SUGCT: variants seen among roughly 807,000 people sequenced by gnomAD.
SUGCT encodes succinyl-CoA:glutarate CoA-transferase.
A neutral mutation model predicts 55.0 loss-of-function variants in SUGCT; 41 were observed. That is an observed-to-expected ratio of 0.74 (90% CI 0.58 to 0.97). SUGCT has a LOEUF of 0.97. Among genes scored for constraint, SUGCT ranks in the 50% least tolerant of loss-of-function variants. SUGCT has a pLI of 0.00. For missense variants in SUGCT, 568 were observed against 547.8 expected, an observed-to-expected ratio of 1.04 and a Z score of -0.37; for synonymous variants, 187 against 200.4, an observed-to-expected ratio of 0.93 and a Z score of 0.56.
At chr7:40,189,682 T>G in intron 5 of SUGCT, 88 bp downstream of exon 5, 1 of 590,998 alleles carries the variant, frequency 1.7e-6, no homozygotes, top group Non-Finnish European at 2.8e-6. Context: ...AAAACTCAAT[T>G]TTATGGGTGA....
the SUGCT span, among the ~76,000 whole-genome samples, chr7:41,022,655 A>G: frequency 6.6e-6 from 1 of 152,210 alleles, no homozygotes; most frequent in East Asian, 1.9e-4. Context: ...AAGATAAGAA[A>G]CACTCCATAG....
chr7:40,173,287 T>C (rs951563626), intron 1 of SUGCT, among the ~76,000 whole-genome samples: 10 of 152,196 alleles, frequency 6.6e-5, no homozygotes, highest in Non-Finnish European at 1.0e-4. Flanking sequence ...AGAGCAGCAA[T>C]GGGTGCCTCA....
chr7:40,966,447 G>A, the SUGCT span: 1 of 152,228 alleles, frequency 6.6e-6, no homozygotes, highest in Admixed American at 6.5e-5. Context: ...CTCTCTTAAG[G>A]AGACTCTCTT....
chr7:40,173,354 C>G (rs896536064), intron 1 of SUGCT, among the ~76,000 whole-genome samples: 1 of 152,188 alleles, frequency 6.6e-6, no homozygotes, highest in African/African-American at 2.4e-5. Flanking sequence ...AAGTCAGCGG[C>G]GGGTCTGCGA....
At chr7:40,894,626 A>C in the SUGCT span, among the ~76,000 whole-genome samples, 29 of 152,360 alleles carry the variant, frequency 1.9e-4, no homozygotes, top group Admixed American at 2.6e-4. Flanking sequence ...AGCAAAAAAC[A>C]ACCTCATTAA....
chr7:40,666,379 G>T (rs1252740297), intron 12 of SUGCT, among the ~76,000 whole-genome samples: 1 of 141,300 alleles, frequency 7.1e-6, no homozygotes, highest in South Asian at 2.5e-4. Context: ...AGGAAGGAAG[G>T]AAGGAAGGAA....
At chr7:40,391,359 G>C (rs1236451006) in intron 9 of SUGCT, among the ~76,000 whole-genome samples, 2 of 152,016 alleles carry the variant, frequency 1.3e-5, no homozygotes, top group African/African-American at 4.8e-5. Context: ...CTACAGAATG[G>C]GAGAAAATTT....
At chr7:40,774,114 A>G (rs1789330287) in intron 13 of SUGCT, among the ~76,000 whole-genome samples, 3 of 152,144 alleles carry the variant, frequency 2.0e-5, no homozygotes, top group Admixed American at 6.5e-5. Context: ...TCTTTCCCTA[A>G]TTTAAGATTC....
At chr7:40,857,425 C>T (rs1794238934) in intron 13 of SUGCT, among the ~76,000 whole-genome samples, 1 of 152,158 alleles carries the variant, frequency 6.6e-6, no homozygotes, top group Non-Finnish European at 1.5e-5. Context: ...TGTCTTCATC[C>T]TAGCAAGTGT....
intron 12 of SUGCT, among the ~76,000 whole-genome samples, chr7:40,521,455 C>T (rs1407555905): frequency 2.6e-5 from 4 of 151,950 alleles, no homozygotes; most frequent in South Asian, 2.1e-4. Flanking sequence ...TTAGTACTTC[C>T]GTGTTAAATA....
intron 1 of SUGCT, among the ~76,000 whole-genome samples, chr7:40,142,092 G>C (rs1444282887): frequency 6.6e-6 from 1 of 152,130 alleles, no homozygotes; most frequent in African/African-American, 2.4e-5. Flanking sequence ...GAATGAGCAG[G>C]TAATCGGAAT....
At chr7:40,903,777 T>G in the SUGCT span, among the ~76,000 whole-genome samples, 1 of 152,026 alleles carries the variant, frequency 6.6e-6, no homozygotes, top group African/African-American at 2.4e-5. Context: ...AAATGTTACC[T>G]TACATCCTCC....
chr7:40,583,468 T>G (rs973440280), intron 12 of SUGCT, among the ~76,000 whole-genome samples: 3 of 152,208 alleles, frequency 2.0e-5, no homozygotes, highest in African/African-American at 7.2e-5. Context: ...GTTGGTAGTT[T>G]AAATATGTCT....
chr7:40,456,548 C>A (rs1789499083), intron 10 of SUGCT, among the ~76,000 whole-genome samples: 1 of 151,638 alleles, frequency 6.6e-6, no homozygotes, highest in South Asian at 2.1e-4. Flanking sequence ...GAGTAATAAA[C>A]ATAATAAATA....
chr7:40,338,155 A>G (rs540655814), intron 9 of SUGCT, among the ~76,000 whole-genome samples: 7 of 152,256 alleles, frequency 4.6e-5, no homozygotes, highest in Non-Finnish European at 7.4e-5. Flanking sequence ...TGGGTAACCC[A>G]ACCTTTCTCT....
At chr7:40,809,241 G>A (rs985559913) in intron 13 of SUGCT, among the ~76,000 whole-genome samples, 12 of 152,120 alleles carry the variant, frequency 7.9e-5, no homozygotes, top group African/African-American at 2.9e-4. Context: ...CCTGAATATT[G>A]TAAGTGCTAA....
At chr7:40,706,916 A>T (rs1200314506) in intron 12 of SUGCT, among the ~76,000 whole-genome samples, 1 of 152,188 alleles carries the variant, frequency 6.6e-6, no homozygotes, top group East Asian at 1.9e-4. Flanking sequence ...TTTGCTCAGG[A>T]TGAGCAGTCC....
At chr7:40,235,414 A>G (rs984615099) in intron 6 of SUGCT, among the ~76,000 whole-genome samples, 2 of 152,052 alleles carry the variant, frequency 1.3e-5, no homozygotes, top group Admixed American at 6.6e-5. Context: ...TGCAACCTCC[A>G]CCTCCTGGGT....
chr7:40,629,812 T>G (rs1427981084), intron 12 of SUGCT, among the ~76,000 whole-genome samples: 1 of 152,224 alleles, frequency 6.6e-6, no homozygotes, highest in Non-Finnish European at 1.5e-5. Flanking sequence ...TTATATTACA[T>G]GTAAAATTAC....
Sources: allele counts gnomAD v4.1 joint callset (sites outside exome capture counted in the v4.1 genomes callset), GRCh38; gene constraint gnomAD v4.1.1; transcripts MANE v1.5; gene names NCBI Gene and HGNC (gene_info 2026-07-23, HGNC 2026-07-21).